Variants in SAXO1 observed in about 807,000 individuals in gnomAD.
SAXO1 encodes the protein stabilizer of axonemal microtubules 1, also known as 4930500O09Rik.
SAXO1 carries 21 observed loss-of-function variants against 17.5 expected under a neutral mutation model. The ratio of observed to expected loss-of-function variants is 1.20; its 90% CI spans 0.85 to 1.72. The LOEUF (loss-of-function observed/expected upper bound fraction) is 1.72, where lower values mean the gene tolerates loss of function less well. Ranked by LOEUF, SAXO1 falls within the 40% of genes most tolerant of loss-of-function variation. SAXO1 has a pLI of 0.00. For missense variants in SAXO1, 843 were observed against 596.0 expected, an observed-to-expected ratio of 1.41 and a Z score of -4.32; for synonymous variants, 274 against 216.5, an observed-to-expected ratio of 1.27 and a Z score of -2.33.
chr9:18,942,427 C>T lies in SAXO1; in HGVS notation c.219-588G>A, dbSNP rs539151685. 1.5e-4 allele frequency among the ~76,000 whole-genome samples: 23 copies of T among 152,286 alleles called. No individual in the cohort carries two copies. The East Asian group carries it at 4.2e-3, about 28-fold the overall frequency. On this transcript the variant is annotated intron_variant, in intron 2 of 3. Transcript: ENST00000380534. ...TTCTACTGCTGCGCTCTCCACCTTC[C>T]TTCCACCCAACCCCTTCACTGCGGA...
intron 3 of SAXO1, among the ~76,000 whole-genome samples, chr9:18,940,155 G>A (rs1026811418): frequency 3.9e-5 from 6 of 152,210 alleles, no homozygotes; most frequent in Non-Finnish European, 8.8e-5. Context: ...GGATTAAGAC[G>A]TCAATGGACT....
intron 3 of SAXO1, among the ~76,000 whole-genome samples, chr9:18,940,104 T>C (rs1041114322): frequency 1.2e-4 from 18 of 151,956 alleles, no homozygotes; most frequent in Admixed American, 5.9e-4. Flanking sequence ...AGAGACTCCA[T>C]GGGGAGGGAC....
chr9:18,996,214 T>G (rs771528904), intron 1 of SAXO1, among the ~76,000 whole-genome samples: 18 of 152,258 alleles, frequency 1.2e-4, no homozygotes, highest in Non-Finnish European at 2.1e-4. Context: ...ACTTGCTTTA[T>G]CAATCCCCTT....
upstream of SAXO1, among the ~76,000 whole-genome samples, chr9:19,035,291 G>C (rs1197240798): frequency 6.6e-6 from 1 of 152,184 alleles, no homozygotes; most frequent in East Asian, 1.9e-4. Flanking sequence ...TCTTATGATA[G>C]AGAATAAGTC....
chr9:18,955,979 A>G (rs1172868925), intron 1 of SAXO1, among the ~76,000 whole-genome samples: 1 of 151,436 alleles, frequency 6.6e-6, no homozygotes, highest in Non-Finnish European at 1.5e-5. Context: ...CGACTTTGTC[A>G]CCTAGACTGG....
intron 1 of SAXO1, among the ~76,000 whole-genome samples, chr9:19,003,979 G>T (rs1834389225): frequency 6.6e-6 from 1 of 152,134 alleles, no homozygotes; most frequent in African/African-American, 2.4e-5. Context: ...GAAAAATTTT[G>T]CAATCTATCC....
At chr9:18,929,203 A>T in intron 3 of SAXO1, 148 bp from the exon 4 acceptor site, 1 of 897,696 alleles carries the variant, frequency 1.1e-6, no homozygotes, top group Non-Finnish European at 1.6e-6. Flanking sequence ...CTACCACTTC[A>T]TTCAAACACC....
At chr9:18,971,533 A>G (rs1442334116) in intron 1 of SAXO1, among the ~76,000 whole-genome samples, 1 of 152,162 alleles carries the variant, frequency 6.6e-6, no homozygotes, top group Non-Finnish European at 1.5e-5. Context: ...TCCTCTGAGT[A>G]CCAAAAATAT....
intron 3 of SAXO1, among the ~76,000 whole-genome samples, chr9:18,930,500 CT>C (rs55974011): frequency 0.19 from 27,558 of 146,280 alleles, 2,904 homozygotes; most frequent in African/African-American, 0.26. Flanking sequence ...ACTGCTGGAA[CT>C]TTTTTTTTTT....
At chr9:18,987,121 T>G (rs1833623306) in intron 1 of SAXO1, among the ~76,000 whole-genome samples, 1 of 152,078 alleles carries the variant, frequency 6.6e-6, no homozygotes, top group Non-Finnish European at 1.5e-5. Context: ...AACAGCAAAG[T>G]GATTGTCAGG....
rs1338249686 is a variant in SAXO1 at position 18,950,311 on chromosome 9, GA to G, written c.218+446del. On this transcript the variant is annotated intron_variant, in intron 2 of 3. Coordinates refer to ENST00000380534, the MANE Select transcript of SAXO1 (RefSeq NM_153707.4). ...TTACAGCAGCATAATTTTAAGGGGA[GA>G]AAAAAAAGCTCATTTTTTCTCTATT... Among the ~76,000 whole-genome samples, 12 of 151,698 alleles carry G rather than the reference GA, an allele frequency of 7.9e-5. 1 individual carries two copies. Among genetic ancestry groups the G allele is most frequent in the Admixed American group, 3.9e-4 (6 of 15,228 alleles).
chr9:18,972,136 C>G (rs1011659901), intron 1 of SAXO1, among the ~76,000 whole-genome samples: 6 of 152,150 alleles, frequency 3.9e-5, no homozygotes, highest in African/African-American at 1.4e-4. Flanking sequence ...CAGATGCTGG[C>G]AAAGTTCAAG....
chr9:19,045,234 T>C (rs887992581), intron 1 of SAXO1, among the ~76,000 whole-genome samples: 10 of 136,772 alleles, frequency 7.3e-5, no homozygotes, highest in Admixed American at 2.5e-4. Flanking sequence ...GGCGTGAACC[T>C]GGGAAGCGGA....
chr9:18,987,735 CA>C (rs756565800), intron 1 of SAXO1, among the ~76,000 whole-genome samples: 13 of 149,664 alleles, frequency 8.7e-5, no homozygotes, highest in Non-Finnish European at 1.5e-4. Flanking sequence ...CTCATCTCTA[CA>C]AAAAAAAATA....
intron 1 of SAXO1, among the ~76,000 whole-genome samples, chr9:19,014,448 G>A (rs1296684268): frequency 1.7e-5 from 2 of 117,834 alleles, no homozygotes; most frequent in Admixed American, 9.9e-5. Context: ...GCAACAGAGC[G>A]AAACTGTGTC....
chr9:18,937,110 AAAGCAGC>A (rs1389505420), intron 3 of SAXO1, among the ~76,000 whole-genome samples: 3 of 152,220 alleles, frequency 2.0e-5, no homozygotes, highest in African/African-American at 7.2e-5. Context: ...AAGACTTAAG[AAAGCAGC>A]AAATTTTCAC....
chr9:18,962,722 G>A (rs1380862770), intron 1 of SAXO1, among the ~76,000 whole-genome samples: 3 of 152,198 alleles, frequency 2.0e-5, no homozygotes, highest in Non-Finnish European at 2.9e-5. Context: ...CAGATGGACA[G>A]ATTGCAAAAA....
intron 1 of SAXO1, among the ~76,000 whole-genome samples, chr9:18,993,935 C>T (rs7038838): frequency 0.018 from 2,749 of 152,320 alleles, 82 homozygotes; most frequent in African/African-American, 0.06. Context: ...TAGCACATAA[C>T]TCAGGTACCT....
At chr9:18,962,893 T>TA (rs1159997585) in intron 1 of SAXO1, among the ~76,000 whole-genome samples, 27 of 152,230 alleles carry the variant, frequency 1.8e-4, no homozygotes, top group Non-Finnish European at 1.5e-5. Flanking sequence ...TCCTGAATGG[T>TA]ATTAGCTAGC....
Sources: allele counts gnomAD v4.1 joint callset (sites outside exome capture counted in the v4.1 genomes callset), GRCh38; gene constraint gnomAD v4.1.1; transcripts MANE v1.5; gene names NCBI Gene and HGNC (gene_info 2026-07-23, HGNC 2026-07-21).